HSD17B2: variants seen among roughly 807,000 people sequenced by gnomAD.
The protein encoded by HSD17B2 is hydroxysteroid 17-beta dehydrogenase 2.
Under a neutral mutation model 26.9 loss-of-function variants are expected in HSD17B2, and 32 were observed. That is an observed-to-expected ratio of 1.19 (90% CI 0.90 to 1.60). The LOEUF (loss-of-function observed/expected upper bound fraction) is 1.60. HSD17B2 is among the 40% of genes most tolerant of loss of function. The probability of loss-of-function intolerance (pLI) is 0.00; values close to 1 mark genes in which losing one functional copy is unlikely to be tolerated. For synonymous variants in HSD17B2, 246 were observed against 186.7 expected (o/e 1.32, Z -2.59); for missense variants, 613 against 468.6 (o/e 1.31, Z -2.85).
chr16:82,092,348 C>A (rs1040552127), intron 4 of HSD17B2: 8 of 152,172 alleles, frequency 5.3e-5, no homozygotes, highest in Non-Finnish European at 8.8e-5. Context: ...AGGCAGCCTA[C>A]CCCAAGGCTC....
intron 3 of HSD17B2, among the ~76,000 whole-genome samples, chr16:82,076,995 A>T (rs1216893831): frequency 6.6e-6 from 1 of 152,218 alleles, no homozygotes; most frequent in Non-Finnish European, 1.5e-5. Context: ...AAATTATATA[A>T]TATTGATGAA....
At chr16:82,060,886 C>A (rs1327738745) in intron 1 of HSD17B2, among the ~76,000 whole-genome samples, 1 of 152,196 alleles carries the variant, frequency 6.6e-6, no homozygotes, top group Admixed American at 6.5e-5. Context: ...TCTGAGAGAA[C>A]TGATCTGAAA....
intron 1 of HSD17B2, among the ~76,000 whole-genome samples, chr16:82,047,902 T>C (rs954656480): frequency 3.3e-5 from 5 of 152,160 alleles, no homozygotes; most frequent in African/African-American, 1.2e-4. Flanking sequence ...CAAAGGAATG[T>C]AGAGAATGAT....
At chr16:82,081,281 G>C (rs549429024) in intron 3 of HSD17B2, among the ~76,000 whole-genome samples, 2 of 151,978 alleles carry the variant, frequency 1.3e-5, no homozygotes, top group Non-Finnish European at 2.9e-5. Flanking sequence ...AGCTGTTCCC[G>C]CATGAACTTC....
chr16:82,081,326 T>C (rs1304040921), intron 3 of HSD17B2, among the ~76,000 whole-genome samples: 1 of 152,156 alleles, frequency 6.6e-6, no homozygotes, highest in African/African-American at 2.4e-5. Flanking sequence ...TTGTCACTCA[T>C]TCTCCTCTTC....
chr16:82,098,250 G>A lies in HSD17B2; in HGVS notation c.978G>A (p.Gln326=). Residue 326 remains glutamine, a synonymous_variant, in exon 5 of 5, where the codon CAG becomes CAA. Coordinates refer to ENST00000199936, the MANE Select transcript of HSD17B2 (RefSeq NM_002153.3). ...KDFSPVLRDI[Q]HAILAKSPFA... is the part of the protein sequence containing the mutation. ...TCTCTCCGGTGCTGCGGGACATCCA[G>A]CATGCTATCTTGGCGAAGAGCCCTT... 3 of 1,614,204 alleles carry A rather than the reference G, an allele frequency of 1.9e-6. No individual in the cohort carries two copies. The highest frequency in any genetic ancestry group is 8.5e-7 in the Non-Finnish European group (1 of 1,180,028).
At chr16:82,059,382 G>C (rs772296787) in intron 1 of HSD17B2, among the ~76,000 whole-genome samples, 1 of 152,200 alleles carries the variant, frequency 6.6e-6, no homozygotes, top group East Asian at 1.9e-4. Flanking sequence ...ATTGTCTGTG[G>C]TTGAGAATCG....
At chr16:82,051,126 C>A (rs1001259751) in intron 1 of HSD17B2, among the ~76,000 whole-genome samples, 2 of 152,166 alleles carry the variant, frequency 1.3e-5, no homozygotes, top group East Asian at 1.9e-4. Flanking sequence ...TTTCATAGAA[C>A]TTTTCTCACC....
intron 2 of HSD17B2, among the ~76,000 whole-genome samples, chr16:82,069,652 G>A (rs1287142555): frequency 6.6e-6 from 1 of 152,094 alleles, no homozygotes; most frequent in Non-Finnish European, 1.5e-5. Flanking sequence ...ATGTGCCCTG[G>A]GCCATGCAGT....
intron 3 of HSD17B2, among the ~76,000 whole-genome samples, chr16:82,076,847 G>C (rs1395538208): frequency 6.6e-6 from 1 of 152,084 alleles, no homozygotes; most frequent in Non-Finnish European, 1.5e-5. Context: ...CAAAAGGCTG[G>C]GATTACAGGC....
chr16:82,096,998 CTGTTT>C (rs1348295881), intron 4 of HSD17B2: 9 of 151,084 alleles, frequency 6.0e-5, no homozygotes, highest in African/African-American at 1.7e-4. Flanking sequence ...TGGTCCTGTT[CTGTTT>C]TGTTTTTTTT....
intron 1 of HSD17B2, among the ~76,000 whole-genome samples, chr16:82,037,192 G>A (rs1277718008): frequency 6.6e-6 from 1 of 152,200 alleles, no homozygotes; most frequent in Non-Finnish European, 1.5e-5. Flanking sequence ...TTATGGCAAT[G>A]AAGAAAGCTT....
Position 82,068,344 on chromosome 16 carries a change from A to T in HSD17B2, c.440A>T (p.Asp147Val), listed in dbSNP as rs1398068151. The T allele has an allele frequency of 1.2e-6, 2 of 1,613,688 alleles. No individual in the cohort carries two copies. The highest frequency in any genetic ancestry group is 3.3e-5 in the Admixed American group (2 of 60,002). Reference protein sequence around the residue: ...MDITKPVQIKDAYSKVAAMLQ... With the variant: ...MDITKPVQIKVAYSKVAAMLQ... The stretch of plus-strand genomic sequence containing the variant: ...ATCACGAAGCCAGTGCAGATAAAAG[A>T]TGCTTACAGCAAGGTTGCAGCAATG... The change falls in exon 2 of 5, where the codon GAT becomes GTT. Residue 147 changes from aspartate (D) to valine (V), a missense_variant. Transcript: ENST00000199936.
At chr16:82,073,514 C>T (rs562902571) in intron 3 of HSD17B2, among the ~76,000 whole-genome samples, 12 of 152,270 alleles carry the variant, frequency 7.9e-5, no homozygotes, top group African/African-American at 2.9e-4. Context: ...CTCTTATTCT[C>T]ACCCTCTGGT....
Position 82,085,284 on chromosome 16 carries a change from A to T in HSD17B2, c.665-5618A>T, listed in dbSNP as rs1214411937. On this transcript the variant is annotated intron_variant, in intron 3 of 4. Coordinates refer to ENST00000199936, the MANE Select transcript of HSD17B2 (RefSeq NM_002153.3). ...GCCTAGGCTGAGATTTTCTTCCCTGACACTCTTTAGGGAGATTGTGGGACA... is the reference window on the plus strand; with the variant it reads ...GCCTAGGCTGAGATTTTCTTCCCTGTCACTCTTTAGGGAGATTGTGGGACA... 1.3e-5 allele frequency among the ~76,000 whole-genome samples: 2 copies of T among 152,162 alleles called. 1 individual carries two copies. The highest frequency in any genetic ancestry group is 2.9e-5 in the Non-Finnish European group (2 of 68,034).
intron 3 of HSD17B2, among the ~76,000 whole-genome samples, chr16:82,072,376 C>T (rs866825720): frequency 9.9e-5 from 15 of 152,202 alleles, no homozygotes; most frequent in African/African-American, 3.4e-4. Context: ...GCAATATTTT[C>T]CTAATCTTTG....
chr16:82,050,223 C>T (rs1223287230), intron 1 of HSD17B2, among the ~76,000 whole-genome samples: 1 of 152,166 alleles, frequency 6.6e-6, no homozygotes, highest in Non-Finnish European at 1.5e-5. Context: ...CCTTCCCTAC[C>T]TGGCCCTTGC....
chr16:82,072,368 A>G lies in HSD17B2; in HGVS notation c.664+1241A>G, dbSNP rs539044496. ...AATGAATCCTGAGAAAACACACAGC[A>G]ATATTTTCCTAATCTTTGTTCTGAA... On this transcript the variant is annotated intron_variant, in intron 3 of 4. Coordinates refer to ENST00000199936, the MANE Select transcript of HSD17B2 (RefSeq NM_002153.3). Among the ~76,000 whole-genome samples the G allele has an allele frequency of 6.6e-5, 10 of 152,346 alleles. No individual in the cohort carries two copies. In the East Asian group the frequency reaches 1.9e-3, roughly 29 times the overall value.
chr16:82,035,818 G>A (rs1913610182), intron 1 of HSD17B2, 129 bp downstream of exon 1: 2 of 993,538 alleles, frequency 2.0e-6, no homozygotes, highest in East Asian at 2.4e-5. Context: ...CCTCACCCAA[G>A]TATTTTTCAT....
Sources: gnomAD v4.1 joint callset for allele counts (sites outside exome capture counted in the v4.1 genomes callset) on GRCh38, gnomAD v4.1.1 for gene constraint, MANE v1.5 for transcripts, NCBI Gene and HGNC (gene_info 2026-07-23, HGNC 2026-07-21) for gene names.